L3MBTL4: variants seen among roughly 807,000 people sequenced by gnomAD.
L3MBTL4 encodes the protein lethal(3)malignant brain tumor-like protein 4.
A neutral mutation model predicts 84.5 loss-of-function variants in L3MBTL4; 70 were observed. The ratio of observed to expected loss-of-function variants is 0.83; its 90% confidence interval spans 0.68 to 1.01. The LOEUF is 1.01. Ranked by LOEUF, L3MBTL4 falls within the 50% of genes least tolerant of loss-of-function variation. The probability of loss-of-function intolerance (pLI) is 0.00; values close to 1 mark genes in which losing one functional copy is unlikely to be tolerated. For synonymous variants in L3MBTL4, 274 were observed against 259.8 expected (o/e 1.05, Z -0.52); for missense variants, 715 against 754.8 (o/e 0.95, Z 0.62).
chr18:6,251,641 T>C (rs1429969287), intron 5 of L3MBTL4, among the ~76,000 whole-genome samples: 1 of 152,206 alleles, frequency 6.6e-6, no homozygotes, highest in Admixed American at 6.5e-5. Flanking sequence ...GTTATAAGCA[T>C]CACCATCCCC....
At chr18:6,059,714 G>C (rs2057142229) in intron 16 of L3MBTL4, among the ~76,000 whole-genome samples, 1 of 152,126 alleles carries the variant, frequency 6.6e-6, no homozygotes, top group Admixed American at 6.6e-5. Context: ...AGCCTCATTG[G>C]CTGCTGTGAT....
At chr18:6,295,955 A>G (rs2146763761) in intron 4 of L3MBTL4, among the ~76,000 whole-genome samples, 1 of 152,342 alleles carries the variant, frequency 6.6e-6, no homozygotes. Context: ...ATCTGTATTA[A>G]TAGGACTTGA....
At chr18:6,199,130 C>T (rs544064402) in intron 12 of L3MBTL4, among the ~76,000 whole-genome samples, 1 of 152,298 alleles carries the variant, frequency 6.6e-6, no homozygotes, top group African/African-American at 2.4e-5. Context: ...GACAAGTTGA[C>T]AGAGAAGACA....
At chr18:6,201,904 G>A (rs1460008925) in intron 12 of L3MBTL4, among the ~76,000 whole-genome samples, 1 of 152,228 alleles carries the variant, frequency 6.6e-6, no homozygotes, top group Non-Finnish European at 1.5e-5. Context: ...TGTGGAATAA[G>A]ATAGTGTTAA....
At chr18:5,965,895 A>G (rs692978) in intron 17 of L3MBTL4, among the ~76,000 whole-genome samples, 96,535 of 152,046 alleles carry the variant, frequency 0.63, 32,969 homozygotes, top group East Asian at 0.94. Context: ...ACGGAAGACA[A>G]GGTTATGGAA....
At chr18:6,225,510 A>G (rs944206461) in intron 10 of L3MBTL4, among the ~76,000 whole-genome samples, 5 of 152,236 alleles carry the variant, frequency 3.3e-5, no homozygotes, top group African/African-American at 1.2e-4. Flanking sequence ...CTATAATCCC[A>G]GCACTTTGGG....
chr18:5,968,685 A>C (rs2052475498), intron 17 of L3MBTL4, among the ~76,000 whole-genome samples: 1 of 146,856 alleles, frequency 6.8e-6, no homozygotes. Flanking sequence ...TAACAGAGCA[A>C]GACCTTGTCT....
chr18:6,385,625 T>C (rs951375994), intron 1 of L3MBTL4, among the ~76,000 whole-genome samples: 1 of 152,216 alleles, frequency 6.6e-6, no homozygotes, highest in Non-Finnish European at 1.5e-5. Flanking sequence ...AGAAAATATT[T>C]CACAACTTTG....
intron 16 of L3MBTL4, among the ~76,000 whole-genome samples, chr18:6,060,441 T>C (rs1201853298): frequency 6.6e-6 from 1 of 151,954 alleles, no homozygotes. Context: ...AGGGCAGTTT[T>C]AGGTTTATAA....
At chr18:6,366,235 G>GT (rs777204609) in intron 1 of L3MBTL4, among the ~76,000 whole-genome samples, 9 of 152,164 alleles carry the variant, frequency 5.9e-5, no homozygotes, top group Non-Finnish European at 1.0e-4. Flanking sequence ...CCCTGACACA[G>GT]TATTAACTTG....
chr18:5,957,689 C>T (rs185000945), intron 18 of L3MBTL4, among the ~76,000 whole-genome samples: 36 of 152,066 alleles, frequency 2.4e-4, no homozygotes, highest in Admixed American at 1.2e-3. Flanking sequence ...GTCATGGTGG[C>T]TCATGTCTGT....
intron 16 of L3MBTL4, among the ~76,000 whole-genome samples, chr18:5,976,249 C>A (rs2052925175): frequency 6.6e-6 from 1 of 152,160 alleles, no homozygotes; most frequent in Non-Finnish European, 1.5e-5. Context: ...TTTTTTGAAT[C>A]TTGATTTACA....
intron 16 of L3MBTL4, among the ~76,000 whole-genome samples, chr18:5,990,300 G>A (rs1448167191): frequency 6.6e-6 from 1 of 152,130 alleles, no homozygotes; most frequent in African/African-American, 2.4e-5. Context: ...TTGTTTAAGT[G>A]CCTAGTTATA....
intron 17 of L3MBTL4, among the ~76,000 whole-genome samples, chr18:5,963,433 G>C (rs542212888): frequency 6.6e-5 from 10 of 152,306 alleles, no homozygotes; most frequent in Middle Eastern, 3.4e-3. Context: ...CAACAGAGCA[G>C]ACGCGGCCCT....
chr18:6,117,540 A>G (rs1335508315), intron 14 of L3MBTL4, among the ~76,000 whole-genome samples: 1 of 152,156 alleles, frequency 6.6e-6, no homozygotes, highest in East Asian at 1.9e-4. Flanking sequence ...GGGCAGGAGG[A>G]TGGGAAAAGC....
intron 1 of L3MBTL4, among the ~76,000 whole-genome samples, chr18:6,324,266 C>T (rs2051592917): frequency 6.6e-6 from 1 of 152,206 alleles, no homozygotes; most frequent in South Asian, 2.1e-4. Flanking sequence ...TAGGGCAGTG[C>T]AGAGGGGAAA....
intron 16 of L3MBTL4, among the ~76,000 whole-genome samples, chr18:5,982,563 C>T (rs1051906475): frequency 5.3e-5 from 8 of 152,306 alleles, no homozygotes; most frequent in Non-Finnish European, 1.0e-4. Flanking sequence ...CATAAAGACT[C>T]CCAGAGGTCA....
chr18:6,073,049 A>G (rs1367298326), intron 16 of L3MBTL4, among the ~76,000 whole-genome samples: 2 of 150,264 alleles, frequency 1.3e-5, no homozygotes. Flanking sequence ...GCAGAAATTA[A>G]TAACAGAGAA....
intron 1 of L3MBTL4, among the ~76,000 whole-genome samples, chr18:6,330,347 C>A (rs1192451205): frequency 6.6e-6 from 1 of 152,198 alleles, no homozygotes; most frequent in East Asian, 1.9e-4. Context: ...AAGGTTTCAC[C>A]AAGGGTGTGC....
Sources: allele counts gnomAD v4.1 joint callset (sites outside exome capture counted in the v4.1 genomes callset), GRCh38; gene constraint gnomAD v4.1.1; transcripts MANE v1.5; gene names NCBI Gene and HGNC (gene_info 2026-07-23, HGNC 2026-07-21).